The following DNAH10 variants were observed in gnomAD, a reference collection of about 807,000 sequenced individuals.
The protein encoded by DNAH10 is dynein axonemal heavy chain 10, also known as axonemal beta dynein heavy chain 10.
DNAH10 carries 348 observed loss-of-function variants against 506.6 expected under a neutral mutation model. The observed-to-expected ratio is 0.69, with a 90% confidence interval of 0.63 to 0.75. The LOEUF is 0.75. Ranked by LOEUF, DNAH10 falls within the 30% of genes least tolerant of loss-of-function variation. DNAH10 has a pLI of 0.00. For synonymous variants in DNAH10, 2,059 were observed against 2,198.6 expected (o/e 0.94, Z 1.78); for missense variants, 5,179 against 5,787.1 (o/e 0.89, Z 3.41).
rs1955324883 is a variant in DNAH10 at position 123,933,652 on chromosome 12, C to G, written c.13477+141C>G. 8 of 975,832 alleles carry G rather than the reference C, an allele frequency of 8.2e-6. No homozygotes were observed. In the South Asian group the frequency reaches 1.4e-4, roughly 17 times the overall value. The allele number at this position is 975,832 out of a possible 1,614,324, so 60.4% of individuals were successfully genotyped here. On this transcript the variant is annotated intron_variant, in intron 77 of 78. Coordinates refer to ENST00000673944, the MANE Select transcript of DNAH10 (RefSeq NM_001372106.1). ...AAAGCCAGCCTGCTGCAAATATTTC[C>G]TGTGTCTCTGCACTGCCCATGTCTT...
At position 123,873,516 on chromosome 12, in the gene DNAH10, G is replaced by A. The variant is rs748560540; in HGVS notation, c.7786-42G>A. ...TGCAAATGTTTACTGCTGCTACCCT[G>A]GGGAAAAAGCTGGCTTTTCACATCA... On this transcript the variant is annotated intron_variant, in intron 45 of 78. Transcript: ENST00000673944. 6.4e-6 allele frequency: 10 copies of A among 1,569,650 alleles called. No individual in the cohort carries two copies. The South Asian group carries it at 1.2e-4, about 19-fold the overall frequency.
chr12:123,868,649 A>T (rs1357942693), intron 43 of DNAH10, among the ~76,000 whole-genome samples: 3 of 152,266 alleles, frequency 2.0e-5, no homozygotes, highest in Non-Finnish European at 4.4e-5. Flanking sequence ...AAAAAGATGC[A>T]TTCTCCAAGG....
rs1306536309 is a variant in DNAH10, at chr12:123,835,768, G to A, written c.4902+240G>A. 2.6e-5 allele frequency among the ~76,000 whole-genome samples: 4 copies of A among 152,108 alleles called. No homozygotes were observed. The East Asian group carries it at 7.7e-4, about 29-fold the overall frequency. ...GCCTCCCAAGCAGCTGGGACTACAG[G>A]CATGTGCTGCCATGCTCAGCTAATT... On this transcript the variant is annotated intron_variant, in intron 28 of 78. Coordinates refer to ENST00000673944, the MANE Select transcript of DNAH10 (RefSeq NM_001372106.1).
chr12:123,913,206 G>A lies in DNAH10; in HGVS notation c.10243G>A (p.Glu3415Lys). 1 of 1,610,192 alleles carries A rather than the reference G, an allele frequency of 6.2e-7. No homozygotes were observed. The highest frequency in any genetic ancestry group is 1.1e-5 in the South Asian group (1 of 90,348). ...KELETLGAKY[E>K]AAILEKQKLQ... ...GCTGGAAACATTGGGTGCCAAATAT[G>A]AGGCCGCCATACTGGAAAAGCAGAA... Residue 3415 changes from glutamate to lysine, a missense_variant, in exon 60 of 79, where the codon GAG becomes AAG. Around this residue, in one of 3 missense-constraint regions of DNAH10, gnomAD observed 4,844 missense variants for 5,430.5 expected, o/e 0.89. Coordinates refer to ENST00000673944, the MANE Select transcript of DNAH10 (RefSeq NM_001372106.1). The surrounding 1 kb of genome is among the most constrained non-coding windows in gnomAD (Gnocchi z 5.1).
At chr12:123,893,206 G>A in intron 52 of DNAH10, 27 bp from the exon 53 acceptor site, 1 of 1,609,664 alleles carries the variant, frequency 6.2e-7, no homozygotes, top group East Asian at 2.2e-5. Context: ...GACTCAGAGA[G>A]ATCACCAGCA....
chr12:123,819,686 A>G (rs1959210300), intron 23 of DNAH10, among the ~76,000 whole-genome samples: 1 of 151,688 alleles, frequency 6.6e-6, no homozygotes, highest in African/African-American at 2.4e-5. Context: ...ACAAGTTAAA[A>G]ATACTAAAAT....
intron 64 of DNAH10, 83 bp from the exon 65 acceptor site, chr12:123,918,593 C>A: frequency 6.7e-7 from 1 of 1,483,938 alleles, no homozygotes; most frequent in Non-Finnish European, 9.0e-7. Flanking sequence ...TTGTACATAC[C>A]TCTCTGCTGT....
At chr12:123,810,260 C>G (rs1407793199) in intron 19 of DNAH10, among the ~76,000 whole-genome samples, 3 of 152,216 alleles carry the variant, frequency 2.0e-5, no homozygotes, top group Non-Finnish European at 4.4e-5. Context: ...GGGCATCACC[C>G]CCCAGCACAC....
Position 123,909,245 on chromosome 12 carries a change from C to A in DNAH10, c.9816-16C>A. 6.2e-7 allele frequency: 1 copy of A among 1,610,986 alleles called. No homozygotes were observed. Among genetic ancestry groups the A allele is most frequent in the Non-Finnish European group, 8.5e-7 (1 of 1,178,920 alleles). On this transcript the variant is annotated splice_polypyrimidine_tract_variant and intron_variant, in intron 57 of 78. Coordinates refer to ENST00000673944, the MANE Select transcript of DNAH10 (RefSeq NM_001372106.1). The surrounding 1 kb of genome is among the most constrained non-coding windows in gnomAD (Gnocchi z 5.4). ...CATCCCGGGGTTGTGACCCACGTGCCTTGGTTTCTTGCCAGGTCGTTTGCT... is the reference window on the plus strand; with the variant it reads ...CATCCCGGGGTTGTGACCCACGTGCATTGGTTTCTTGCCAGGTCGTTTGCT...
intron 11 of DNAH10, among the ~76,000 whole-genome samples, chr12:123,792,451 C>CTTTTTTTTTTTTTTTTTTTTTTTTTTTT (rs78654407): frequency 7.5e-6 from 1 of 133,452 alleles, no homozygotes; most frequent in Non-Finnish European, 1.6e-5. Flanking sequence ...TTCCTTTGTC[C>CTTTTTTTTTTTTTTTTTTTTTTTTTTTT]TTTTTTTTTT....
intron 43 of DNAH10, among the ~76,000 whole-genome samples, chr12:123,868,901 C>T (rs1314413895): frequency 6.6e-6 from 1 of 152,222 alleles, no homozygotes; most frequent in African/African-American, 2.4e-5. Context: ...CTGAAATCTC[C>T]CTTTGGGGAG....
intron 12 of DNAH10, among the ~76,000 whole-genome samples, chr12:123,796,100 A>G (rs895495775): frequency 2.0e-5 from 3 of 152,204 alleles, no homozygotes; most frequent in Non-Finnish European, 4.4e-5. Flanking sequence ...GGATCAAGCC[A>G]ATATACACAG....
intron 24 of DNAH10, among the ~76,000 whole-genome samples, chr12:123,824,136 G>T (rs1207699331): frequency 6.6e-6 from 1 of 152,162 alleles, no homozygotes; most frequent in Non-Finnish European, 1.5e-5. Flanking sequence ...AGGTTGGGAA[G>T]CATGGGTGGA....
At position 123,762,540 on chromosome 12, in the gene DNAH10, G is replaced by C; in HGVS notation, c.204G>C (p.Glu68Asp). The C allele has an allele frequency of 6.4e-7, 1 of 1,556,778 alleles. No individual in the cohort carries two copies. Among genetic ancestry groups the C allele is most frequent in the Non-Finnish European group, 8.7e-7 (1 of 1,151,718 alleles). Residue 68 changes from glutamate (E) to aspartate (D), a missense_variant, in exon 1 of 79, where the codon GAG becomes GAC. Transcript: ENST00000673944. The surrounding 1 kb of genome is among the most constrained non-coding windows in gnomAD (Gnocchi z 5.0). The part of the protein sequence containing the change: ...IYRTMVPEEV[E>D]VEIDEIPVLS... Reference sequence around the variant, plus strand: ...GCACTATGGTGCCGGAGGAGGTGGAGGTGGAGATTGGTGAGCCTCGACGCG... The same window carrying C: ...GCACTATGGTGCCGGAGGAGGTGGACGTGGAGATTGGTGAGCCTCGACGCG...
chr12:123,908,854 GTGGTGA>G (rs900694602), intron 57 of DNAH10, among the ~76,000 whole-genome samples: 8 of 152,086 alleles, frequency 5.3e-5, no homozygotes, highest in Admixed American at 1.3e-4. Context: ...ATAATGGTTG[GTGGTGA>G]TGGTGATGGT....
chr12:123,830,117 A>G (rs1960382745), intron 25 of DNAH10, among the ~76,000 whole-genome samples: 1 of 152,136 alleles, frequency 6.6e-6, no homozygotes, highest in Non-Finnish European at 1.5e-5. Context: ...GCCCTTGATA[A>G]CTCTGTACCC....
At chr12:123,823,642 A>G (rs1376106914) in intron 24 of DNAH10, among the ~76,000 whole-genome samples, 1 of 152,244 alleles carries the variant, frequency 6.6e-6, no homozygotes, top group Non-Finnish European at 1.5e-5. Flanking sequence ...GGTTCATAGT[A>G]GGTGTCTATA....
intron 16 of DNAH10, among the ~76,000 whole-genome samples, chr12:123,801,871 A>G (rs1958493914): frequency 6.6e-6 from 1 of 152,182 alleles, no homozygotes; most frequent in Non-Finnish European, 1.5e-5. Flanking sequence ...CATTTTCAAC[A>G]CCACAGCGAG....
rs1954543820 is a variant in DNAH10 at position 123,917,664 on chromosome 12, C to T, written c.11083C>T (p.His3695Tyr). The T allele has an allele frequency of 6.4e-7, 1 of 1,551,914 alleles. No homozygotes were observed. The highest frequency in any genetic ancestry group is 1.4e-5 in the African/African-American group (1 of 73,170). Residue 3695 changes from histidine to tyrosine, a missense_variant, in exon 64 of 79, where the codon CAC becomes TAC. By Grantham distance (83) the His-to-Tyr change is moderately conservative. Transcript: ENST00000673944. This position sits in a 1 kb window ranked among gnomAD's most constrained non-coding sequence, Gnocchi z 5.6. ...ERRELEEQRE[H>Y]LIQETSENKN... The stretch of plus-strand genomic sequence containing the variant: ...GCGGGAGCTGGAGGAGCAGCGGGAG[C>T]ACCTCATCCAGGAGACCAGCGAGAA...
Sources: gnomAD v4.1 joint callset for allele counts (sites outside exome capture counted in the v4.1 genomes callset) on GRCh38, gnomAD v4.1.1 for gene constraint, gnomAD v4.1.1 regional missense constraint, Gnocchi (gnomAD v3.1) non-coding constraint, MANE v1.5 for transcripts, NCBI Gene and HGNC (gene_info 2026-07-23, HGNC 2026-07-21) for gene names.